Variants in ZNF91 observed in about 807,000 individuals in gnomAD.
ZNF91 encodes the protein zinc finger protein 91 (HPF7, HTF10).
A neutral mutation model predicts 12.6 loss-of-function variants in ZNF91; 7 were observed. That is an observed-to-expected ratio of 0.55 (90% CI 0.31 to 1.04). The LOEUF is 1.04. Ranked by LOEUF, ZNF91 falls within the 50% of genes least tolerant of loss-of-function variation. The pLI is 0.05. For synonymous variants in ZNF91, 453 were observed against 462.6 expected, an observed-to-expected ratio of 0.98 and a Z score of 0.27; for missense variants, 1,217 against 1,385.4, an observed-to-expected ratio of 0.88 and a Z score of 1.93.
chr19:23,323,930 C>A (rs184347413), intron 1 of ZNF91: 183 of 143,908 alleles, frequency 1.3e-3, no homozygotes, highest in Admixed American at 4.3e-3. Context: ...TCTCCTCCTC[C>A]TTCTCTTCTC....
At chr19:23,388,020 C>A (rs1261136659) in intron 1 of ZNF91, among the ~76,000 whole-genome samples, 1 of 148,262 alleles carries the variant, frequency 6.7e-6, no homozygotes, top group Non-Finnish European at 1.5e-5. Context: ...CAGAGGTGGG[C>A]AGATCACTTA....
At chr19:23,355,755 C>T (rs185927813), downstream of ZNF91, among the ~76,000 whole-genome samples, 6 of 151,792 alleles carry the variant, frequency 4.0e-5, no homozygotes, top group East Asian at 3.9e-4. Flanking sequence ...TCTATACCTC[C>T]GACAAAAGAT....
chr19:23,340,957 G>T (rs1055021965), intron 3 of ZNF91, among the ~76,000 whole-genome samples: 15 of 151,144 alleles, frequency 9.9e-5, no homozygotes, highest in Admixed American at 6.6e-4. Context: ...ATTGACAATT[G>T]AGCAAATAAC....
chr19:23,328,195 G>C (rs1230333204), intron 1 of ZNF91: 2 of 152,138 alleles, frequency 1.3e-5, no homozygotes, highest in African/African-American at 4.8e-5. Context: ...ATCACAATGA[G>C]AGAGACTCAT....
intron 1 of ZNF91, chr19:23,326,183 T>C (rs1227418184): frequency 2.6e-5 from 4 of 152,206 alleles, no homozygotes; most frequent in Admixed American, 1.3e-4. Context: ...CTTCTGTTCC[T>C]AATAACTTTT....
intron 1 of ZNF91, among the ~76,000 whole-genome samples, chr19:23,332,537 T>A (rs1478868204): frequency 6.6e-6 from 1 of 152,090 alleles, no homozygotes; most frequent in Non-Finnish European, 1.5e-5. Flanking sequence ...AGAGACACGA[T>A]TCGTTCACCA....
At chr19:23,336,035 C>G (rs139239734), downstream of ZNF91, among the ~76,000 whole-genome samples, 1 of 152,192 alleles carries the variant, frequency 6.6e-6, no homozygotes, top group Non-Finnish European at 1.5e-5. Flanking sequence ...CTTTCTAACA[C>G]TGTTACCGGA....
intron 1 of ZNF91, among the ~76,000 whole-genome samples, chr19:23,376,315 T>C (rs1969502397): frequency 6.6e-6 from 1 of 152,124 alleles, no homozygotes; most frequent in Non-Finnish European, 1.5e-5. Flanking sequence ...TAAGAAGCCA[T>C]CATGCAGAGA....
downstream of ZNF91, among the ~76,000 whole-genome samples, chr19:23,356,585 G>A (rs979221979): frequency 2.0e-5 from 3 of 152,076 alleles, no homozygotes; most frequent in African/African-American, 4.8e-5. Context: ...GTACTTGCGG[G>A]GAAGAGTGAA....
At chr19:23,366,125 C>T (rs1023422665) in intron 3 of ZNF91, among the ~76,000 whole-genome samples, 5 of 152,194 alleles carry the variant, frequency 3.3e-5, no homozygotes, top group African/African-American at 7.2e-5. Flanking sequence ...AGGGGCTCCT[C>T]GCTTCCCAGT....
chr19:23,386,122 T>G (rs1969863611), intron 1 of ZNF91, among the ~76,000 whole-genome samples: 1 of 152,018 alleles, frequency 6.6e-6, no homozygotes, highest in South Asian at 2.1e-4. Flanking sequence ...AGGTGAAAGA[T>G]CTCTATAAGA....
chr19:23,389,211 GT>G (rs1187015139), intron 1 of ZNF91, among the ~76,000 whole-genome samples: 1 of 152,110 alleles, frequency 6.6e-6, no homozygotes, highest in Non-Finnish European at 1.5e-5. Context: ...AGAAAGACTG[GT>G]TTGTGCTACA....
chr19:23,361,545 A>T lies in ZNF91; in HGVS notation c.1434T>A (p.Thr478=). Residue 478 remains threonine, a synonymous_variant, in exon 4 of 4, where the codon ACT becomes ACA. Coordinates refer to ENST00000300619, the MANE Select transcript of ZNF91 (RefSeq NM_003430.4). ...CTCCAGTGTGTATCCTCTTATGTCT[A>T]GTTAGGGTTGAAGACCATATAAATG... ...GKAFIWSSTL[T]RHKRIHTGEK... is the part of the protein sequence containing the mutation. 1 of 1,613,440 alleles carries T rather than the reference A, an allele frequency of 6.2e-7. No homozygotes were observed. The highest frequency in any genetic ancestry group is 2.2e-5 in the East Asian group (1 of 44,796).
At chr19:23,342,041 GAAAT>G (rs1968136334) in intron 3 of ZNF91, 1 of 309,440 alleles carries the variant, frequency 3.2e-6, no homozygotes, top group African/African-American at 2.1e-5. Context: ...GGGAGCTAGA[GAAAT>G]AAATGGCTTT....
chr19:23,394,226 C>T (rs1402722564), intron 1 of ZNF91, among the ~76,000 whole-genome samples: 1 of 152,030 alleles, frequency 6.6e-6, no homozygotes, highest in Non-Finnish European at 1.5e-5. Flanking sequence ...AAATCGTCCC[C>T]TTTTGAGTGT....
chr19:23,343,989 C>T (rs1380767907), intron 3 of ZNF91, among the ~76,000 whole-genome samples: 2 of 152,162 alleles, frequency 1.3e-5, no homozygotes, highest in Admixed American at 6.5e-5. Context: ...AGGAAACATG[C>T]TAACCAAGTG....
At position 23,371,549 on chromosome 19, in the gene ZNF91, C is replaced by T. The variant is rs1489643275; in HGVS notation, c.253+2193G>A. 5.9e-5 allele frequency among the ~76,000 whole-genome samples: 9 copies of T among 152,078 alleles called. No individual in the cohort carries two copies. In the East Asian group the frequency reaches 1.4e-3, roughly 23 times the overall value. On this transcript the variant is annotated intron_variant, in intron 3 of 3. Transcript: ENST00000300619. The stretch of plus-strand genomic sequence containing the variant: ...TTGCAAATTGTCTAAAATTATAATA[C>T]ATAAGTAAAACCAAAAAACAATAAA...
intron 1 of ZNF91, among the ~76,000 whole-genome samples, chr19:23,376,131 C>G (rs1969497129): frequency 6.6e-6 from 1 of 152,114 alleles, no homozygotes. Context: ...CTGTAATGCA[C>G]AGAGATAATA....
intron 3 of ZNF91, among the ~76,000 whole-genome samples, chr19:23,349,804 G>A (rs866602816): frequency 6.6e-6 from 1 of 152,030 alleles, no homozygotes; most frequent in Admixed American, 6.6e-5. Context: ...CAACACTCTC[G>A]GAGTACCTGT....
Sources: allele counts gnomAD v4.1 joint callset (sites outside exome capture counted in the v4.1 genomes callset), GRCh38; gene constraint gnomAD v4.1.1; transcripts MANE v1.5; gene names NCBI Gene and HGNC (gene_info 2026-07-23, HGNC 2026-07-21).